SLC26A5: variants seen among roughly 807,000 people sequenced by gnomAD.
SLC26A5 encodes solute carrier family 26 member 5.
In SLC26A5, 51 loss-of-function variants were observed where a neutral mutation model predicts 81.0. The observed-to-expected ratio is 0.63, with a 90% CI of 0.50 to 0.80. The LOEUF (loss-of-function observed/expected upper bound fraction) is 0.80, where lower values mean the gene tolerates loss of function less well. SLC26A5 is among the 30% of genes least tolerant of loss of function. The pLI is 0.00. For missense variants in SLC26A5, 771 were observed against 905.8 expected (o/e 0.85, Z 1.91); for synonymous variants, 325 against 332.8 (o/e 0.98, Z 0.25).
intron 2 of SLC26A5, among the ~76,000 whole-genome samples, chr7:103,435,556 C>A (rs986293739): frequency 6.6e-6 from 1 of 152,074 alleles, no homozygotes; most frequent in Admixed American, 6.6e-5. Context: ...CAAGAGCTAG[C>A]CTTTTAGCCA....
intron 19 of SLC26A5, 99 bp from the exon 20 acceptor site, chr7:103,374,691 A>G: frequency 2.6e-6 from 3 of 1,164,880 alleles, no homozygotes; most frequent in Non-Finnish European, 3.6e-6. Flanking sequence ...TTTTTTTGTT[A>G]TTGTTTTTTG....
At chr7:103,365,544 G>A (rs1302982407) in intron 19 of SLC26A5, among the ~76,000 whole-genome samples, 9 of 152,172 alleles carry the variant, frequency 5.9e-5, no homozygotes, top group African/African-American at 2.2e-4. Flanking sequence ...CATGAGAATC[G>A]CTTGAACCCA....
intron 2 of SLC26A5, among the ~76,000 whole-genome samples, chr7:103,430,977 G>A (rs1444862004): frequency 6.6e-6 from 1 of 152,184 alleles, no homozygotes; most frequent in Non-Finnish European, 1.5e-5. Context: ...CTAATTTGCT[G>A]TGACTCCCTA....
chr7:103,434,752 A>G (rs1562809835), intron 2 of SLC26A5, among the ~76,000 whole-genome samples: 1 of 152,066 alleles, frequency 6.6e-6, no homozygotes, highest in Non-Finnish European at 1.5e-5. Context: ...CCTGGGTTCA[A>G]GTGATTCTCC....
In SLC26A5 at chr7:103,357,546, G is replaced by A. The variant is rs569554157; in HGVS notation, c.2042-4620C>T. On this transcript the variant is annotated intron_variant, in intron 19 of 19. Transcript: ENST00000339444. The stretch of plus-strand genomic sequence containing the variant: ...TATCTTTTGGCTTTCCATCATGGAA[G>A]ATGAGGATTTTGTTTTGTTTCCTCT... 1.1e-4 allele frequency among the ~76,000 whole-genome samples: 16 copies of A among 152,224 alleles called. No individual in the cohort carries two copies. In the South Asian group the frequency reaches 3.3e-3, roughly 32 times the overall value.
At chr7:103,391,902 T>C (rs1329392609) in intron 10 of SLC26A5, among the ~76,000 whole-genome samples, 167 bp from the exon 11 acceptor site, 2 of 152,200 alleles carry the variant, frequency 1.3e-5, no homozygotes, top group African/African-American at 4.8e-5. Flanking sequence ...TTATGGCATA[T>C]TTTATAGTGA....
chr7:103,387,153 G>A (rs557969866), intron 14 of SLC26A5, among the ~76,000 whole-genome samples: 15 of 152,314 alleles, frequency 9.8e-5, no homozygotes, highest in African/African-American at 3.6e-4. Flanking sequence ...ATAAAAATGG[G>A]AAACACTTCT....
At position 103,411,478 on chromosome 7, in the gene SLC26A5, C is replaced by G. The variant is rs1216316708; in HGVS notation, c.512G>C (p.Arg171Thr). ...GGCGACTTTCACTCTCAAGGCATCT[C>G]TGGCCTCTGTGCCATTGGTTGCATT... ...GVNATNGTEA[R>T]DALRVKVAMS... Residue 171 changes from arginine to threonine, a missense_variant, in exon 6 of 20, where the codon AGA becomes ACA. Arg to Thr is a moderately conservative substitution (Grantham distance 71). Coordinates refer to ENST00000306312, the MANE Select transcript of SLC26A5 (RefSeq NM_198999.3). The G allele has an allele frequency of 1.2e-6, 2 of 1,614,098 alleles. No homozygotes were observed. The highest frequency in any genetic ancestry group is 2.7e-5 in the African/African-American group (2 of 74,940).
At chr7:103,402,388 T>C (rs896672998) in intron 8 of SLC26A5, among the ~76,000 whole-genome samples, 1 of 147,232 alleles carries the variant, frequency 6.8e-6, no homozygotes, top group African/African-American at 2.5e-5. Flanking sequence ...TTTGTACGTA[T>C]TGCTCTTTTT....
intron 2 of SLC26A5, among the ~76,000 whole-genome samples, chr7:103,431,941 G>A (rs762011760): frequency 6.6e-6 from 1 of 151,846 alleles, no homozygotes; most frequent in African/African-American, 2.4e-5. Flanking sequence ...TTTGAGACAG[G>A]GTCTGGCTCT....
intron 19 of SLC26A5, chr7:103,362,676 A>G: frequency 1.9e-6 from 3 of 1,593,064 alleles, no homozygotes; most frequent in Non-Finnish European, 2.6e-6. Context: ...TATCTTTTTT[A>G]CTTCCTTAGC....
chr7:103,411,320 T>C, intron 6 of SLC26A5, 100 bp downstream of exon 6: 1 of 1,427,572 alleles, frequency 7.0e-7, no homozygotes, highest in Admixed American at 1.9e-5. Flanking sequence ...TTTTTCTGGC[T>C]GACCCCATCC....
Position 103,389,418 on chromosome 7 carries a change from G to A in SLC26A5, c.1318C>T (p.Leu440=). The A allele has an allele frequency of 6.2e-7, 1 of 1,612,970 alleles. No individual in the cohort carries two copies. The highest frequency in any genetic ancestry group is 8.5e-7 in the Non-Finnish European group (1 of 1,179,008). The change falls in exon 13 of 20, where the codon CTG becomes TTG. Residue 440 remains leucine, a synonymous_variant. Transcript: ENST00000306312. ...AGGTTGACAATCACAATGGCCGACAGCACAGCCTGAAACAGAGCACATCCC... is the reference window on the plus strand; with the variant it reads ...AGGTTGACAATCACAATGGCCGACAACACAGCCTGAAACAGAGCACATCCC... ...FLFESLPQAV[L]SAIVIVNLKG... is the part of the protein sequence containing the mutation.
At chr7:103,407,771 C>T in intron 8 of SLC26A5, 80 bp downstream of exon 8, 1 of 1,522,762 alleles carries the variant, frequency 6.6e-7, no homozygotes, top group South Asian at 1.2e-5. Flanking sequence ...AAATTCCTTT[C>T]ATCCACTTCA....
At chr7:103,390,660 C>T (rs1822568759) in intron 11 of SLC26A5, among the ~76,000 whole-genome samples, 154 bp from the exon 12 acceptor site, 1 of 152,122 alleles carries the variant, frequency 6.6e-6, no homozygotes, top group Admixed American at 6.5e-5. Flanking sequence ...CCTATAGCTC[C>T]ATCACACTCC....
At chr7:103,354,576 G>C (rs1463013881) in intron 19 of SLC26A5, among the ~76,000 whole-genome samples, 2 of 152,028 alleles carry the variant, frequency 1.3e-5, no homozygotes, top group South Asian at 2.1e-4. Context: ...CATCATGTTG[G>C]CCAGGCTGGT....
At chr7:103,440,384 C>T (rs1181538527) in intron 2 of SLC26A5, among the ~76,000 whole-genome samples, 1 of 152,050 alleles carries the variant, frequency 6.6e-6, no homozygotes, top group Non-Finnish European at 1.5e-5. Flanking sequence ...AATAATAATC[C>T]TAAGGACTAG....
intron 2 of SLC26A5, chr7:103,433,563 G>A (rs1238594126): frequency 6.6e-6 from 1 of 152,062 alleles, no homozygotes; most frequent in Non-Finnish European, 1.5e-5. Flanking sequence ...GGACCAGGAA[G>A]AATTTCCATT....
At chr7:103,412,951 G>A (rs1234627530) in intron 5 of SLC26A5, 51 bp downstream of exon 5, 1 of 1,313,142 alleles carries the variant, frequency 7.6e-7, no homozygotes, top group African/African-American at 1.5e-5. Flanking sequence ...CACATTGCAA[G>A]GTTGGAAATA....
Sources: gnomAD v4.1 joint callset for allele counts (sites outside exome capture counted in the v4.1 genomes callset) on GRCh38, gnomAD v4.1.1 for gene constraint, MANE v1.5 for transcripts, NCBI Gene and HGNC (gene_info 2026-07-23, HGNC 2026-07-21) for gene names.